Variants in CNBP observed in about 807,000 individuals in gnomAD.
CNBP encodes cellular nucleic acid-binding protein.
CNBP carries 6 observed loss-of-function variants against 21.2 expected under a neutral mutation model. The ratio of observed to expected loss-of-function variants is 0.28; its 90% CI spans 0.16 to 0.56. The LOEUF is 0.56. CNBP is among the 20% of genes least tolerant of loss of function. The probability of loss-of-function intolerance (pLI) is 0.93; values close to 1 mark genes in which losing one functional copy is unlikely to be tolerated. For missense variants in CNBP, 112 were observed against 233.1 expected, an observed-to-expected ratio of 0.48 and a Z score of 3.38; for synonymous variants, 61 against 74.9, an observed-to-expected ratio of 0.81 and a Z score of 0.96.
intron 1 of CNBP, among the ~76,000 whole-genome samples, chr3:129,174,004 A>T (rs1937714177): frequency 6.6e-6 from 1 of 152,196 alleles, no homozygotes; most frequent in South Asian, 2.1e-4. Context: ...TGAGTTTCAA[A>T]AAGTTCCCAT....
rs183072013 is a variant in CNBP at position 129,175,289 on chromosome 3, A to G, written c.-14-3518T>C. On this transcript the variant is annotated intron_variant, in intron 1 of 4. Transcript: ENST00000422453. The stretch of plus-strand genomic sequence containing the variant: ...CAGTGAGCTGAGACTGGGCCACCAC[A>G]CTCCAACCTGGGTGACAGAGCAAGA... Among the ~76,000 whole-genome samples the G allele has an allele frequency of 1.6e-3, 243 of 151,706 alleles. 1 individual carries two copies. Among genetic ancestry groups the G allele is most frequent in the African/African-American group, 5.4e-3 (224 of 41,404 alleles).
At chr3:129,179,865 G>C (rs976082499) in intron 1 of CNBP, among the ~76,000 whole-genome samples, 1 of 152,140 alleles carries the variant, frequency 6.6e-6, no homozygotes, top group South Asian at 2.1e-4. Flanking sequence ...AATTAGCCGG[G>C]CGTGGTGGCA....
At chr3:129,172,681 CAGACAG>C (rs1464823678) in intron 1 of CNBP, among the ~76,000 whole-genome samples, 204 of 115,370 alleles carry the variant, frequency 1.8e-3, no homozygotes, top group African/African-American at 2.8e-3. Flanking sequence ...GACAGACAGA[CAGACAG>C]ACAGACAGAC....
chr3:129,171,012 A>G (rs1937557979), intron 4 of CNBP, 67 bp downstream of exon 4: 1 of 1,501,808 alleles, frequency 6.7e-7, no homozygotes, highest in Admixed American at 1.8e-5. Flanking sequence ...CCTTCCATTT[A>G]TAGCTAATTC....
Position 129,181,223 on chromosome 3 carries a change from GAGAA to G in CNBP, c.-15+2549_-15+2552del, listed in dbSNP as rs1340951875. The stretch of plus-strand genomic sequence containing the variant: ...CCACTGCATTCCAGCCTGGCCGACA[GAGAA>G]AGACTCTGTCTCAAAAAAAAAAAAA... On this transcript the variant is annotated intron_variant, in intron 1 of 4. Coordinates refer to ENST00000422453, the MANE Select transcript of CNBP (RefSeq NM_003418.5). 1.8e-4 allele frequency among the ~76,000 whole-genome samples: 18 copies of G among 101,074 alleles called. 1 individual carries two copies. In the East Asian group the frequency reaches 5.3e-3, roughly 30 times the overall value. 66.3% of individuals were successfully genotyped at this position (101,074 alleles called of 152,430 possible). A position where few individuals can be genotyped will look rare whatever the true frequency, so the allele number is the denominator to read the frequency against.
intron 1 of CNBP, among the ~76,000 whole-genome samples, chr3:129,172,695 GACACACACAC>G (rs1553787467): frequency 3.5e-4 from 28 of 78,874 alleles, no homozygotes; most frequent in African/African-American, 1.0e-3. Flanking sequence ...CAGACAGACA[GACACACACAC>G]ACACACACAC....
intron 1 of CNBP, among the ~76,000 whole-genome samples, chr3:129,182,612 T>C (rs917050963): frequency 5.3e-5 from 8 of 152,350 alleles, no homozygotes; most frequent in Middle Eastern, 3.4e-3. Flanking sequence ...GTCTCGTTTG[T>C]AATTACATCT....
rs781017873 is a variant in CNBP, at chr3:129,169,032, G to A, written c.*1421C>T. 9.9e-5 allele frequency among the ~76,000 whole-genome samples: 15 copies of A among 151,806 alleles called. No homozygotes were observed. Among genetic ancestry groups the A allele is most frequent in the Admixed American group, 3.9e-4 (6 of 15,242 alleles). ...CAGGAGAATGGCACGAACCCAGGAG[G>A]CGGAGCTTGCAGTGAGCCGAGATCG... On this transcript the variant is annotated 3_prime_UTR_variant, in exon 5 of 5. Coordinates refer to ENST00000422453, the MANE Select transcript of CNBP (RefSeq NM_003418.5).
chr3:129,172,604 GCAGACAGGCAGA>G (rs1377716275), intron 1 of CNBP, among the ~76,000 whole-genome samples: 13 of 34,580 alleles, frequency 3.8e-4, no homozygotes, highest in Non-Finnish European at 6.4e-4. Context: ...AGGCAGGCAG[GCAGACAGGCAGA>G]CAGGCAGCCA....
At chr3:129,174,375 C>T (rs1009721179) in intron 1 of CNBP, among the ~76,000 whole-genome samples, 3 of 28,044 alleles carry the variant, frequency 1.1e-4, no homozygotes, top group African/African-American at 3.1e-4. Context: ...AAAAAAAAAA[C>T]GAATGGCGGG....
chr3:129,180,199 C>T (rs1054888446), intron 1 of CNBP, among the ~76,000 whole-genome samples: 1 of 151,770 alleles, frequency 6.6e-6, no homozygotes, highest in African/African-American at 2.4e-5. Flanking sequence ...AAGCCACGCA[C>T]ATTTGAATTG....
Position 129,168,502 on chromosome 3 carries a change from CAGG to C in CNBP, c.*1948_*1950del, listed in dbSNP as rs1937505332. ...ATCCCAGCTATTTGGGAGGCTGAGGCAGGAGAATTACTTGAACGGGGTGTGGGG... is the reference window on the plus strand; with the variant it reads ...ATCCCAGCTATTTGGGAGGCTGAGGCAGAATTACTTGAACGGGGTGTGGGG... On this transcript the variant is annotated 3_prime_UTR_variant, in exon 5 of 5. Transcript: ENST00000422453. Among the ~76,000 whole-genome samples, 2 of 102,286 alleles carry C rather than the reference CAGG, an allele frequency of 2.0e-5. No homozygotes were observed. The highest frequency in any genetic ancestry group is 3.6e-5 in the Non-Finnish European group (2 of 55,688). The allele number at this position is 102,286 out of a possible 152,430, so 67.1% of individuals were successfully genotyped here. A position where few individuals can be genotyped will look rare whatever the true frequency, so the allele number is the denominator to read the frequency against.
rs1937536883 is a variant in CNBP at position 129,169,865 on chromosome 3, A to G, written c.*588T>C. 5 of 229,106 alleles carry G rather than the reference A, an allele frequency of 2.2e-5. No individual in the cohort carries two copies. Among genetic ancestry groups the G allele is most frequent in the Non-Finnish European group, 4.3e-5 (5 of 115,302 alleles). 14.2% of individuals were successfully genotyped at this position (229,106 alleles called of 1,614,324 possible). A position where few individuals can be genotyped will look rare whatever the true frequency, so the allele number is the denominator to read the frequency against. On this transcript the variant is annotated 3_prime_UTR_variant, in exon 5 of 5. Transcript: ENST00000422453. ...TTCTAAACCTTTGCCATCACCATCT[A>G]TGTGTCCAACATCAACACTGTGATG... is the stretch of plus-strand genomic sequence containing the variant.
intron 1 of CNBP, among the ~76,000 whole-genome samples, chr3:129,181,239 C>CAAAAAAAAAAAAAAAAAAAAAA (rs10587328): frequency 5.6e-5 from 3 of 53,162 alleles, no homozygotes; most frequent in African/African-American, 1.7e-4. Flanking sequence ...GACTCTGTCT[C>CAAAAAAAAAAAAAAAAAAAAAA]AAAAAAAAAA....
Position 129,168,085 on chromosome 3 carries a change from A to C in CNBP, c.*2368T>G, listed in dbSNP as rs1203083702. Among the ~76,000 whole-genome samples, 1 of 152,168 alleles carries C rather than the reference A, an allele frequency of 6.6e-6. No individual in the cohort carries two copies. Among genetic ancestry groups the C allele is most frequent in the Non-Finnish European group, 1.5e-5 (1 of 68,030 alleles). Reference sequence around the variant, plus strand: ...CATGAAGGATGAAAAACTCATACCCAAAGTCAAGAATCACACAGCAGCATG... The same window carrying C: ...CATGAAGGATGAAAAACTCATACCCCAAGTCAAGAATCACACAGCAGCATG... On this transcript the variant is annotated 3_prime_UTR_variant, in exon 5 of 5. Transcript: ENST00000422453.
At chr3:129,171,379 A>C in intron 3 of CNBP, 67 bp downstream of exon 3, 1 of 1,588,124 alleles carries the variant, frequency 6.3e-7, no homozygotes, top group African/African-American at 1.3e-5. Context: ...GAAATGCTAT[A>C]CACAGTTGCA....
At chr3:129,177,563 G>A (rs1210415738) in intron 1 of CNBP, among the ~76,000 whole-genome samples, 2 of 152,148 alleles carry the variant, frequency 1.3e-5, no homozygotes, top group Non-Finnish European at 2.9e-5. Context: ...AATTACCTTG[G>A]ATTGCTTACA....
At chr3:129,178,224 G>C (rs1357621240) in intron 1 of CNBP, among the ~76,000 whole-genome samples, 1 of 151,054 alleles carries the variant, frequency 6.6e-6, no homozygotes, top group Non-Finnish European at 1.5e-5. Context: ...AGCCATGTAT[G>C]CTAAACTAAG....
At chr3:129,174,349 T>TAGAAAAAAAA (rs1937736951) in intron 1 of CNBP, among the ~76,000 whole-genome samples, 1 of 63,150 alleles carries the variant, frequency 1.6e-5, no homozygotes, top group Admixed American at 2.4e-4. Flanking sequence ...GAGTCAGAAT[T>TAGAAAAAAAA]AAAAAAAAAA....
Sources: gnomAD v4.1 joint callset for allele counts (sites outside exome capture counted in the v4.1 genomes callset) on GRCh38, gnomAD v4.1.1 for gene constraint, MANE v1.5 for transcripts, NCBI Gene and HGNC (gene_info 2026-07-23, HGNC 2026-07-21) for gene names.